SLC45A4: variants seen among roughly 807,000 people sequenced by gnomAD.
The protein encoded by SLC45A4 is polyamine-transporter SLC45A4.
SLC45A4 carries 32 observed loss-of-function variants against 63.7 expected under a neutral mutation model. The observed-to-expected ratio is 0.50, with a 90% CI of 0.38 to 0.67. The LOEUF (loss-of-function observed/expected upper bound fraction) is 0.67. Among genes scored for constraint, SLC45A4 ranks in the 30% least tolerant of loss-of-function variants. The pLI, the probability that SLC45A4 is intolerant of heterozygous loss-of-function variation, is 0.00. For synonymous variants in SLC45A4, 535 were observed against 510.0 expected, an observed-to-expected ratio of 1.05 and a Z score of -0.66; for missense variants, 1,027 against 1,157.7, an observed-to-expected ratio of 0.89 and a Z score of 1.64.
At chr8:141,280,780 G>GT (rs1589847292) in intron 1 of SLC45A4, among the ~76,000 whole-genome samples, 1 of 152,240 alleles carries the variant, frequency 6.6e-6, no homozygotes, top group East Asian at 1.9e-4. Context: ...ACTCGCACAG[G>GT]TAACTGGAAT....
rs528020129 is a variant in SLC45A4, at chr8:141,250,392, G to A, written c.241+3597C>T. Reference sequence around the variant, plus strand: ...CATGATTTTGCCCAACTATAGGCTGGTGTGAGTGGTTTTTTTTTTTTTTGA... The same window carrying A: ...CATGATTTTGCCCAACTATAGGCTGATGTGAGTGGTTTTTTTTTTTTTTGA... On this transcript the variant is annotated intron_variant, in intron 2 of 8. Coordinates refer to ENST00000517878, the MANE Select transcript of SLC45A4 (RefSeq NM_001286646.2). Among the ~76,000 whole-genome samples the A allele has an allele frequency of 2.1e-5, 3 of 144,650 alleles. No individual in the cohort carries two copies. In the South Asian group the frequency reaches 6.6e-4, roughly 32 times the overall value. 94.9% of individuals were successfully genotyped at this position (144,650 alleles called of 152,430 possible).
intron 8 of SLC45A4, 84 bp from the exon 9 acceptor site, chr8:141,211,781 G>A (rs1825829790): frequency 7.2e-7 from 1 of 1,385,038 alleles, no homozygotes; most frequent in Non-Finnish European, 9.4e-7. Flanking sequence ...ACTTAGCAGA[G>A]AATGTCAGAT....
intron 2 of SLC45A4, among the ~76,000 whole-genome samples, chr8:141,249,074 C>T (rs1828348207): frequency 6.7e-6 from 1 of 150,282 alleles, no homozygotes. Context: ...ATATGGTTCA[C>T]ACCCACTTCG....
chr8:141,265,255 G>C (rs1245250643), intron 1 of SLC45A4, among the ~76,000 whole-genome samples: 1 of 152,184 alleles, frequency 6.6e-6, no homozygotes, highest in Non-Finnish European at 1.5e-5. Flanking sequence ...GGCCCATGTG[G>C]TGCATATTTC....
rs1421329670 is a variant in SLC45A4, at chr8:141,308,119, G to A, written c.-424C>T. The stretch of plus-strand genomic sequence containing the variant: ...ACCTGTCTCCTCCGGCCGGGGCCGC[G>A]GGGGCGGCGGGGCGGCCGGGCCGGG... On this transcript the variant is annotated 5_prime_UTR_variant, in exon 1 of 9. Coordinates refer to ENST00000517878, the MANE Select transcript of SLC45A4 (RefSeq NM_001286646.2). The A allele has an allele frequency of 1.3e-5, 2 of 148,214 alleles. No individual in the cohort carries two copies. The highest frequency in any genetic ancestry group is 2.5e-5 in the African/African-American group (1 of 40,784). 9.2% of individuals were successfully genotyped at this position (148,214 alleles called of 1,614,324 possible).
chr8:141,224,339 A>G (rs1826846665), intron 2 of SLC45A4: 1 of 152,234 alleles, frequency 6.6e-6, no homozygotes, highest in Non-Finnish European at 1.5e-5. Flanking sequence ...CTGGACACAC[A>G]TCCTGGTTGG....
intron 2 of SLC45A4, among the ~76,000 whole-genome samples, chr8:141,243,027 G>T (rs1400993605): frequency 1.3e-5 from 2 of 152,206 alleles, no homozygotes; most frequent in Non-Finnish European, 2.9e-5. Flanking sequence ...GACTTTGCTG[G>T]GAGCCACAGA....
chr8:141,246,899 G>C (rs927673092), intron 2 of SLC45A4, among the ~76,000 whole-genome samples: 1 of 152,196 alleles, frequency 6.6e-6, no homozygotes, highest in Non-Finnish European at 1.5e-5. Context: ...AGGATTGCTT[G>C]AGCCCAGGAG....
At chr8:141,233,729 C>A (rs1827482792) in intron 2 of SLC45A4, among the ~76,000 whole-genome samples, 1 of 152,158 alleles carries the variant, frequency 6.6e-6, no homozygotes, top group East Asian at 1.9e-4. Context: ...AACCCTCTAA[C>A]AATATCTCCC....
intron 3 of SLC45A4, among the ~76,000 whole-genome samples, chr8:141,220,391 T>G (rs949840006): frequency 6.6e-6 from 1 of 152,188 alleles, no homozygotes; most frequent in Non-Finnish European, 1.5e-5. Context: ...GACGTGGCTC[T>G]AGAGAGAAAG....
At chr8:141,214,752 A>G (rs961636823) in intron 7 of SLC45A4, among the ~76,000 whole-genome samples, 6 of 152,156 alleles carry the variant, frequency 3.9e-5, no homozygotes, top group Non-Finnish European at 2.9e-5. Context: ...AAGAGAAGAG[A>G]GCGGAAACAC....
intron 2 of SLC45A4, chr8:141,252,379 T>G (rs1288934383): frequency 1.2e-5 from 2 of 166,880 alleles, no homozygotes; most frequent in African/African-American, 2.4e-5. Context: ...ATTTCCGTGT[T>G]TTCACGCCCA....
At chr8:141,246,130 T>C (rs1272871876) in intron 2 of SLC45A4, among the ~76,000 whole-genome samples, 2 of 152,250 alleles carry the variant, frequency 1.3e-5, no homozygotes, top group Admixed American at 6.5e-5. Flanking sequence ...GCTTCTGTAG[T>C]ACCTTCGTAC....
At chr8:141,294,833 G>T (rs1160649996) in intron 1 of SLC45A4, among the ~76,000 whole-genome samples, 1 of 152,240 alleles carries the variant, frequency 6.6e-6, no homozygotes, top group Non-Finnish European at 1.5e-5. Flanking sequence ...GTCACCACTT[G>T]CAGAGCCCAC....
At chr8:141,212,659 G>T in intron 7 of SLC45A4, 103 bp from the exon 8 acceptor site, 1 of 1,374,428 alleles carries the variant, frequency 7.3e-7, no homozygotes, top group Non-Finnish European at 9.6e-7. Context: ...AACATGACCC[G>T]TCTTCCACCG....
At chr8:141,222,209 C>T (rs554689179) in intron 2 of SLC45A4, among the ~76,000 whole-genome samples, 56 of 152,362 alleles carry the variant, frequency 3.7e-4, no homozygotes, top group African/African-American at 1.3e-3. Context: ...AGACAGTCTA[C>T]AAGAGCAGGA....
chr8:141,249,417 A>T (rs1828363812), intron 2 of SLC45A4, among the ~76,000 whole-genome samples: 1 of 152,252 alleles, frequency 6.6e-6, no homozygotes, highest in African/African-American at 2.4e-5. Context: ...GTACTGATTC[A>T]TGCAGTAACG....
chr8:141,220,683 G>A (rs1826562897), intron 3 of SLC45A4, among the ~76,000 whole-genome samples: 1 of 152,254 alleles, frequency 6.6e-6, no homozygotes, highest in Admixed American at 6.5e-5. Flanking sequence ...TGCCCAGGTG[G>A]TCCTTGCTGG....
At chr8:141,273,768 C>T (rs1829625482) in intron 1 of SLC45A4, among the ~76,000 whole-genome samples, 1 of 152,034 alleles carries the variant, frequency 6.6e-6, no homozygotes, top group African/African-American at 2.4e-5. Context: ...CAGAAAAGAA[C>T]ATAGTGAACG....
Sources: allele counts gnomAD v4.1 joint callset (sites outside exome capture counted in the v4.1 genomes callset), GRCh38; gene constraint gnomAD v4.1.1; transcripts MANE v1.5; gene names NCBI Gene and HGNC (gene_info 2026-07-23, HGNC 2026-07-21).